Variants in SORL1 observed in about 807,000 individuals in gnomAD.
SORL1 encodes sortilin-related receptor.
A neutral mutation model predicts 273.7 loss-of-function variants in SORL1; 127 were observed. That is an observed-to-expected ratio of 0.46 (90% confidence interval 0.40 to 0.54). The LOEUF is 0.54. Among genes scored for constraint, SORL1 ranks in the 20% least tolerant of loss-of-function variants. SORL1 has a pLI of 0.00. For synonymous variants in SORL1, 1,031 were observed against 1,067.4 expected, an observed-to-expected ratio of 0.97 and a Z score of 0.66; for missense variants, 2,494 against 2,846.1, an observed-to-expected ratio of 0.88 and a Z score of 2.81.
At chr11:121,538,835 C>T (rs1355413669) in intron 12 of SORL1, among the ~76,000 whole-genome samples, 1 of 151,968 alleles carries the variant, frequency 6.6e-6, no homozygotes, top group Non-Finnish European at 1.5e-5. Context: ...TGCACCACCA[C>T]GCCCAGCTAA....
chr11:121,551,653 G>A (rs1862508966), intron 16 of SORL1, among the ~76,000 whole-genome samples: 1 of 152,188 alleles, frequency 6.6e-6, no homozygotes, highest in Admixed American at 6.5e-5. Context: ...TACGTGGACA[G>A]CCATAAGCAC....
chr11:121,531,529 G>T (rs1246157795), intron 11 of SORL1, among the ~76,000 whole-genome samples: 1 of 152,170 alleles, frequency 6.6e-6, no homozygotes, highest in African/African-American at 2.4e-5. Flanking sequence ...ATTTTGGTTT[G>T]TATTCTGCAC....
rs551780710 is a variant in SORL1, at chr11:121,500,391, C to T, written c.939+3342C>T. Among the ~76,000 whole-genome samples the T allele has an allele frequency of 3.9e-4, 60 of 152,320 alleles. 1 individual carries two copies. In the South Asian group the frequency reaches 0.012, roughly 30 times the overall value. ...ACTTGAAGTCTCTTCTGTGACCTTA[C>T]AGATGATGCAGCCACCCACGCCTTG... On this transcript the variant is annotated intron_variant, in intron 6 of 47. Coordinates refer to ENST00000260197, the MANE Select transcript of SORL1 (RefSeq NM_003105.6).
rs148024034 is a variant in SORL1, at chr11:121,502,541, A to G, written c.939+5492A>G. Reference sequence around the variant, plus strand: ...ATGTATTAGGGTGTAGTTTTCCCATATCCTTGTCAACATTTGCTACTGTTT... The same window carrying G: ...ATGTATTAGGGTGTAGTTTTCCCATGTCCTTGTCAACATTTGCTACTGTTT... On this transcript the variant is annotated intron_variant, in intron 6 of 47. Coordinates refer to ENST00000260197, the MANE Select transcript of SORL1 (RefSeq NM_003105.6). 6.2e-3 allele frequency among the ~76,000 whole-genome samples: 948 copies of G among 152,214 alleles called. 5 individuals carry two copies. The highest frequency in any genetic ancestry group is 0.022 in the African/African-American group (895 of 41,524).
rs2134901055 is a variant in SORL1, at chr11:121,591,145, G to C, written c.4358G>C (p.Cys1453Ser). The part of the protein sequence containing the change: ...DCADGSDEEA[C>S]PLLANVTAAS... ...GCAGATGGCTCTGACGAGGAAGCCT[G>C]CCCCTTGCTTGGTGAGTTCTGGCCC... Residue 1453 changes from cysteine to serine, a missense_variant, in exon 31 of 48, where the codon TGC (cysteine) becomes TCC (serine). This residue lies in a region of SORL1 where 1,609 missense variants were observed against 1,816.4 expected (regional missense o/e 0.89). Transcript: ENST00000260197. The C allele has an allele frequency of 6.2e-7, 1 of 1,614,118 alleles. No individual in the cohort carries two copies. Among genetic ancestry groups the C allele is most frequent in the Non-Finnish European group, 8.5e-7 (1 of 1,180,012 alleles).
chr11:121,552,843 C>T (rs11604897), intron 16 of SORL1, among the ~76,000 whole-genome samples: 15,768 of 152,174 alleles, frequency 0.1, 859 homozygotes, highest in East Asian at 0.21. Flanking sequence ...AAAAGAATTC[C>T]GATTTGCATC....
At chr11:121,611,034 T>G in intron 38 of SORL1, 42 bp from the exon 39 acceptor site, 1 of 1,404,310 alleles carries the variant, frequency 7.1e-7, no homozygotes, top group Non-Finnish European at 1.0e-6. Flanking sequence ...TCCTCACTTT[T>G]CATCACGTGG....
At chr11:121,573,386 C>CAGAT (rs892529195) in intron 23 of SORL1, among the ~76,000 whole-genome samples, 44 of 152,214 alleles carry the variant, frequency 2.9e-4, no homozygotes, top group African/African-American at 1.0e-3. Context: ...CTGAGGCAGG[C>CAGAT]AGATCACTTG....
At chr11:121,500,849 T>C (rs1337220500) in intron 6 of SORL1, among the ~76,000 whole-genome samples, 1 of 152,226 alleles carries the variant, frequency 6.6e-6, no homozygotes, top group Non-Finnish European at 1.5e-5. Flanking sequence ...GTCACACCAG[T>C]CTCCCAAGTG....
chr11:121,508,041 G>A (rs953009512), intron 6 of SORL1, among the ~76,000 whole-genome samples: 3 of 152,098 alleles, frequency 2.0e-5, no homozygotes, highest in South Asian at 2.1e-4. Flanking sequence ...GAATTGTCTC[G>A]TAATTTAGCT....
At chr11:121,608,395 C>A (rs540288066) in intron 38 of SORL1, 6 of 525,796 alleles carry the variant, frequency 1.1e-5, no homozygotes, top group South Asian at 5.4e-5. Context: ...TTGAGCATTT[C>A]TTCTAATGCA....
rs937949848 is a variant in SORL1 at position 121,550,857 on chromosome 11, C to T, written c.2266+187C>T. On this transcript the variant is annotated intron_variant, in intron 16 of 47. Coordinates refer to ENST00000260197, the MANE Select transcript of SORL1 (RefSeq NM_003105.6). The surrounding 1 kb of genome is among the most constrained non-coding windows in gnomAD (Gnocchi z 5.3). ...ACACTGAACTTGTACATAGCCATAC[C>T]CGTTTTTAGGAATGGAAAGTACTTT... 6.6e-6 allele frequency among the ~76,000 whole-genome samples: 1 copy of T among 152,174 alleles called. No individual in the cohort carries two copies. The highest frequency in any genetic ancestry group is 2.4e-5 in the African/African-American group (1 of 41,432).
chr11:121,624,682 G>A (rs1429721024), intron 45 of SORL1, among the ~76,000 whole-genome samples: 2 of 152,178 alleles, frequency 1.3e-5, no homozygotes, highest in African/African-American at 4.8e-5. Flanking sequence ...CATTGCTGGA[G>A]TCCACTGCGA....
chr11:121,606,727 G>A lies in SORL1; in HGVS notation c.4949-118G>A, dbSNP rs1863479276. The A allele has an allele frequency of 2.1e-5, 15 of 710,296 alleles. 1 individual carries two copies. The South Asian group carries it at 2.2e-4, about 11-fold the overall frequency. The allele number at this position is 710,296 out of a possible 1,614,324, so 44.0% of individuals were successfully genotyped here. ...GACGACCAAGCTAGCAGCCTTTCTAGTGGATAGTCTCAATGCCGGCTGTGG... is the reference window on the plus strand; with the variant it reads ...GACGACCAAGCTAGCAGCCTTTCTAATGGATAGTCTCAATGCCGGCTGTGG... On this transcript the variant is annotated intron_variant, in intron 35 of 47. Transcript: ENST00000260197.
intron 11 of SORL1, among the ~76,000 whole-genome samples, chr11:121,526,767 A>AT (rs1371869475): frequency 1.3e-5 from 2 of 152,072 alleles, no homozygotes; most frequent in Admixed American, 6.5e-5. Flanking sequence ...AATACAACTG[A>AT]TTTTTTATAT....
intron 19 of SORL1, among the ~76,000 whole-genome samples, chr11:121,558,165 CAT>C (rs1420329326): frequency 6.6e-6 from 1 of 152,186 alleles, no homozygotes; most frequent in Non-Finnish European, 1.5e-5. Context: ...TATACACACA[CAT>C]GCACGCCAAA....
chr11:121,484,063 T>C (rs1004522437), intron 3 of SORL1, among the ~76,000 whole-genome samples: 4 of 152,152 alleles, frequency 2.6e-5, no homozygotes, highest in Non-Finnish European at 5.9e-5. Context: ...GAGCTTGTAT[T>C]GAGCTGCTGT....
chr11:121,581,748 A>G (rs1863018547), intron 25 of SORL1, among the ~76,000 whole-genome samples: 1 of 152,240 alleles, frequency 6.6e-6, no homozygotes, highest in Admixed American at 6.5e-5. Flanking sequence ...CATGCCTCCC[A>G]GAATTGTCAT....
In SORL1 at chr11:121,502,155, A is replaced by T. The variant is rs1278980877; in HGVS notation, c.939+5106A>T. 6.7e-3 allele frequency among the ~76,000 whole-genome samples: 178 copies of T among 26,498 alleles called. 2 individuals are homozygous for T. The highest frequency in any genetic ancestry group is 0.016 in the African/African-American group (150 of 9,510). 17.4% of individuals were successfully genotyped at this position (26,498 alleles called of 152,430 possible). Reference sequence around the variant, plus strand: ...TTTTTTTTTTTTTTTTTTTTTTTTGAGATGGAGTCTCACTCTGTCGCTCAG... The same window carrying T: ...TTTTTTTTTTTTTTTTTTTTTTTTGTGATGGAGTCTCACTCTGTCGCTCAG... On this transcript the variant is annotated intron_variant, in intron 6 of 47. Coordinates refer to ENST00000260197, the MANE Select transcript of SORL1 (RefSeq NM_003105.6).
Sources: allele counts gnomAD v4.1 joint callset (sites outside exome capture counted in the v4.1 genomes callset), GRCh38; gene constraint gnomAD v4.1.1; regional missense constraint gnomAD v4.1.1; non-coding constraint Gnocchi (gnomAD v3.1); transcripts MANE v1.5; gene names NCBI Gene and HGNC (gene_info 2026-07-23, HGNC 2026-07-21).